The following LRPPRC variants were observed in gnomAD, a reference collection of about 807,000 sequenced individuals.
The protein encoded by LRPPRC is leucine rich pentatricopeptide repeat containing.
A neutral mutation model predicts 180.3 loss-of-function variants in LRPPRC; 120 were observed. The ratio of observed to expected loss-of-function variants is 0.67; its 90% CI spans 0.57 to 0.77. The LOEUF (loss-of-function observed/expected upper bound fraction) is 0.77. LRPPRC is among the 30% of genes least tolerant of loss of function. The pLI, the probability that LRPPRC is intolerant of heterozygous loss-of-function variation, is 0.00. For missense variants in LRPPRC, 2,012 were observed against 1,657.2 expected (o/e 1.21, Z -3.72); for synonymous variants, 723 against 600.0 (o/e 1.21, Z -3.00).
intron 13 of LRPPRC, among the ~76,000 whole-genome samples, chr2:43,958,334 A>C (rs1673205967): frequency 6.6e-6 from 1 of 152,256 alleles, no homozygotes; most frequent in African/African-American, 2.4e-5. Flanking sequence ...TCATAGTAGA[A>C]GCAAATTCTG....
At chr2:43,921,887 T>G (rs934796153) in intron 27 of LRPPRC, among the ~76,000 whole-genome samples, 1 of 152,228 alleles carries the variant, frequency 6.6e-6, no homozygotes, top group African/African-American at 2.4e-5. Context: ...ACTTTTTAAA[T>G]AGATTCAAAG....
intron 1 of LRPPRC, among the ~76,000 whole-genome samples, 187 bp downstream of exon 1, chr2:43,995,612 C>T (rs2103795649): frequency 6.6e-6 from 1 of 152,354 alleles, no homozygotes; most frequent in African/African-American, 2.4e-5. Context: ...CCGTGACCTT[C>T]TGAAGGCGCT....
intron 35 of LRPPRC, among the ~76,000 whole-genome samples, chr2:43,895,265 A>C (rs1670639722): frequency 6.6e-6 from 1 of 152,170 alleles, no homozygotes; most frequent in Non-Finnish European, 1.5e-5. Flanking sequence ...AGAGGAGCAA[A>C]ATCTGGCTTA....
At chr2:43,942,872 C>T (rs1364858553) in intron 23 of LRPPRC, among the ~76,000 whole-genome samples, 2 of 151,898 alleles carry the variant, frequency 1.3e-5, no homozygotes, top group Non-Finnish European at 2.9e-5. Context: ...CTTTCAGATA[C>T]GTATATCTTC....
At chr2:43,924,778 A>T (rs954093310) in intron 27 of LRPPRC, among the ~76,000 whole-genome samples, 1 of 152,218 alleles carries the variant, frequency 6.6e-6, no homozygotes, top group Admixed American at 6.5e-5. Flanking sequence ...AAAAGAACAG[A>T]AAGACCGTTC....
At chr2:43,991,386 TAA>T (rs1194643306) in intron 1 of LRPPRC, among the ~76,000 whole-genome samples, 1 of 152,314 alleles carries the variant, frequency 6.6e-6, no homozygotes, top group Admixed American at 6.5e-5. Context: ...GAGAGTTTTC[TAA>T]AAGTTTTCTT....
chr2:43,957,239 AAATT>A, intron 14 of LRPPRC, 142 bp downstream of exon 14: 1 of 707,286 alleles, frequency 1.4e-6, no homozygotes, highest in Non-Finnish European at 2.6e-6. Context: ...TTAAAAGAAA[AAATT>A]AAACAAGCAA....
intron 11 of LRPPRC, among the ~76,000 whole-genome samples, chr2:43,972,121 A>AT (rs1673846301): frequency 6.6e-6 from 1 of 152,178 alleles, no homozygotes; most frequent in Non-Finnish European, 1.5e-5. Flanking sequence ...AAAAAAGGAT[A>AT]TTTTAAAAGG....
rs145185028 is a variant in LRPPRC, at chr2:43,911,843, A to C, written c.3275+589T>G. 3.3e-5 allele frequency among the ~76,000 whole-genome samples: 5 copies of C among 151,946 alleles called. No homozygotes were observed. In the East Asian group the frequency reaches 7.8e-4, roughly 24 times the overall value. On this transcript the variant is annotated intron_variant, in intron 30 of 37. Transcript: ENST00000260665. ...CGCCCAGTCAGATTTCTTTTTTTTA[A>C]TCCAAAAACAACACGAAAGGAGGGG...
chr2:43,926,380 A>G (rs1299856658), intron 25 of LRPPRC, among the ~76,000 whole-genome samples: 1 of 152,150 alleles, frequency 6.6e-6, no homozygotes. Flanking sequence ...ATTCACATGC[A>G]TGTGCTCTTA....
intron 30 of LRPPRC, among the ~76,000 whole-genome samples, chr2:43,906,309 C>G (rs1333456572): frequency 2.0e-5 from 3 of 152,146 alleles, no homozygotes; most frequent in Non-Finnish European, 2.9e-5. Flanking sequence ...TGAAGCTGAA[C>G]ATACTGCAGA....
At chr2:43,918,880 T>C (rs1360209921) in intron 27 of LRPPRC, among the ~76,000 whole-genome samples, 3 of 149,980 alleles carry the variant, frequency 2.0e-5, no homozygotes, top group Non-Finnish European at 4.4e-5. Flanking sequence ...TAGATAGATA[T>C]ATGGCATATG....
At chr2:43,979,743 G>C (rs1328331969) in intron 3 of LRPPRC, 83 bp downstream of exon 3, 37 of 1,215,992 alleles carry the variant, frequency 3.0e-5, no homozygotes, top group Middle Eastern at 2.0e-4. Context: ...CTGAATTACA[G>C]CATTTATGTA....
chr2:43,929,683 G>C (rs1572932995), intron 25 of LRPPRC, among the ~76,000 whole-genome samples: 1 of 152,078 alleles, frequency 6.6e-6, no homozygotes, highest in Admixed American at 6.6e-5. Context: ...CCCATAGCTA[G>C]CACAGAACAA....
chr2:43,959,361 C>T (rs773376196), intron 13 of LRPPRC: 2 of 590,044 alleles, frequency 3.4e-6, no homozygotes, highest in Non-Finnish European at 6.1e-6. Flanking sequence ...AATATTACAA[C>T]AAATATTTTA....
intron 1 of LRPPRC, among the ~76,000 whole-genome samples, chr2:43,985,755 C>G (rs577670293): frequency 3.9e-5 from 6 of 152,164 alleles, no homozygotes; most frequent in Non-Finnish European, 5.9e-5. Context: ...AGGTTGCTTC[C>G]AATTTTTGAC....
chr2:43,947,229 A>T, intron 20 of LRPPRC, 28 bp downstream of exon 20: 1 of 1,146,716 alleles, frequency 8.7e-7, no homozygotes, highest in Non-Finnish European at 1.3e-6. Context: ...TTGCCTTAAT[A>T]ATATTTAAAT....
At chr2:43,913,708 G>A (rs936451846) in intron 29 of LRPPRC, among the ~76,000 whole-genome samples, 1 of 152,172 alleles carries the variant, frequency 6.6e-6, no homozygotes, top group African/African-American at 2.4e-5. Context: ...CACATTTCAA[G>A]TCAGTCTTCC....
intron 25 of LRPPRC, among the ~76,000 whole-genome samples, 158 bp from the exon 26 acceptor site, chr2:43,926,119 A>T (rs1472471486): frequency 6.6e-6 from 1 of 152,148 alleles, no homozygotes; most frequent in Non-Finnish European, 1.5e-5. Context: ...TCTATATACT[A>T]AATTTATACT....
Sources: gnomAD v4.1 joint callset for allele counts (sites outside exome capture counted in the v4.1 genomes callset) on GRCh38, gnomAD v4.1.1 for gene constraint, MANE v1.5 for transcripts, NCBI Gene and HGNC (gene_info 2026-07-23, HGNC 2026-07-21) for gene names.